ANO3: variants seen among roughly 807,000 people sequenced by gnomAD.
ANO3 encodes the protein anoctamin-3.
A neutral mutation model predicts 144.8 loss-of-function variants in ANO3; 99 were observed. That is an observed-to-expected ratio of 0.68 (90% CI 0.58 to 0.81). The LOEUF (loss-of-function observed/expected upper bound fraction) is 0.81, where lower values mean the gene tolerates loss of function less well. Ranked by LOEUF, ANO3 falls within the 30% of genes least tolerant of loss-of-function variation. The pLI, the probability that ANO3 is intolerant of heterozygous loss-of-function variation, is 0.00. For synonymous variants in ANO3, 414 were observed against 392.6 expected, an observed-to-expected ratio of 1.05 and a Z score of -0.64; for missense variants, 905 against 1,202.2, an observed-to-expected ratio of 0.75 and a Z score of 3.66.
At chr11:26,377,063 T>C (rs1856433416) in intron 1 of ANO3, among the ~76,000 whole-genome samples, 1 of 152,162 alleles carries the variant, frequency 6.6e-6, no homozygotes, top group Admixed American at 6.5e-5. Context: ...AATGCATTTA[T>C]AGTAGCCATT....
At chr11:26,300,180 T>G (rs1854191848) in intron 1 of ANO3, among the ~76,000 whole-genome samples, 1 of 151,844 alleles carries the variant, frequency 6.6e-6, no homozygotes, top group Admixed American at 6.6e-5. Context: ...ATGGAGGAAG[T>G]GCGATGCCCA....
chr11:26,559,473 G>C (rs1354712354), intron 13 of ANO3: 1 of 372,662 alleles, frequency 2.7e-6, no homozygotes, highest in African/African-American at 2.1e-5. Flanking sequence ...AGAAATGATG[G>C]TGGGGTATAA....
chr11:26,369,739 T>G (rs1856196018), intron 1 of ANO3, among the ~76,000 whole-genome samples: 1 of 152,218 alleles, frequency 6.6e-6, no homozygotes, highest in Non-Finnish European at 1.5e-5. Flanking sequence ...AAGTATCTCC[T>G]TACAGTTTTT....
intron 13 of ANO3, among the ~76,000 whole-genome samples, chr11:26,557,582 G>C (rs1270029051): frequency 6.6e-6 from 1 of 151,974 alleles, no homozygotes; most frequent in African/African-American, 2.4e-5. Flanking sequence ...TGTAGGACAA[G>C]ATTCTTTTTG....
chr11:26,632,446 G>T (rs1025840457), intron 18 of ANO3, among the ~76,000 whole-genome samples: 3 of 150,662 alleles, frequency 2.0e-5, no homozygotes, highest in Admixed American at 6.6e-5. Flanking sequence ...AACCTGGGAG[G>T]CAGAGGTTGC....
intron 1 of ANO3, among the ~76,000 whole-genome samples, chr11:26,433,140 A>AT (rs1186866485): frequency 1.6e-4 from 25 of 151,754 alleles, no homozygotes; most frequent in Non-Finnish European, 3.1e-4. Context: ...ATTCCTAGGT[A>AT]TTTTTTGTGT....
At chr11:26,273,141 A>G (rs557404562) in intron 1 of ANO3, among the ~76,000 whole-genome samples, 2 of 152,094 alleles carry the variant, frequency 1.3e-5, no homozygotes, top group Non-Finnish European at 2.9e-5. Context: ...CCTGGACAAT[A>G]AGAACCCTTT....
At chr11:26,561,546 T>G (rs1590533574) in intron 14 of ANO3, among the ~76,000 whole-genome samples, 1 of 151,972 alleles carries the variant, frequency 6.6e-6, no homozygotes, top group African/African-American at 2.4e-5. Context: ...TTGAATCTTG[T>G]GATTTCAAAG....
intron 4 of ANO3, among the ~76,000 whole-genome samples, chr11:26,463,903 T>G (rs1859505427): frequency 6.6e-6 from 1 of 151,860 alleles, no homozygotes; most frequent in Non-Finnish European, 1.5e-5. Flanking sequence ...GCTCACTTTT[T>G]TTTTTTCATT....
At chr11:26,647,886 T>C (rs1045816029) in intron 24 of ANO3, 30 bp downstream of exon 24, 2 of 1,587,932 alleles carry the variant, frequency 1.3e-6, no homozygotes, top group East Asian at 4.5e-5. Context: ...ATTTTCCTGA[T>C]ATGTTTTACA....
chr11:26,326,838 T>A (rs556683467), intron 1 of ANO3, among the ~76,000 whole-genome samples: 4 of 152,312 alleles, frequency 2.6e-5, no homozygotes, highest in African/African-American at 9.6e-5. Flanking sequence ...AGTATCAGCT[T>A]TGATCAAAAG....
chr11:26,581,620 C>T (rs947456931), intron 14 of ANO3, among the ~76,000 whole-genome samples: 6 of 140,136 alleles, frequency 4.3e-5, no homozygotes, highest in East Asian at 2.1e-4. Context: ...ACCTGGGAGG[C>T]GGAAGTTCCA....
At chr11:26,558,220 G>T (rs1850146976) in intron 13 of ANO3, among the ~76,000 whole-genome samples, 1 of 152,080 alleles carries the variant, frequency 6.6e-6, no homozygotes, top group Non-Finnish European at 1.5e-5. Context: ...TGCTACTAAG[G>T]ATGGCTTTTT....
chr11:26,502,691 G>A (rs1475185167), intron 4 of ANO3, among the ~76,000 whole-genome samples: 3 of 151,990 alleles, frequency 2.0e-5, no homozygotes, highest in African/African-American at 2.4e-5. Context: ...CTATTAATGC[G>A]CAAAATAGAG....
chr11:26,617,993 A>T (rs57160661), intron 17 of ANO3, among the ~76,000 whole-genome samples: 23,139 of 152,186 alleles, frequency 0.15, 2,048 homozygotes, highest in East Asian at 0.33. Flanking sequence ...TAGAAAATCA[A>T]ATGCTACCTT....
intron 1 of ANO3, among the ~76,000 whole-genome samples, chr11:26,315,264 C>A (rs1348644837): frequency 6.6e-6 from 1 of 152,130 alleles, no homozygotes; most frequent in Non-Finnish European, 1.5e-5. Flanking sequence ...GCTCAGAGTC[C>A]ATCCTCTTTT....
At chr11:26,365,832 T>A (rs1856054773) in intron 1 of ANO3, among the ~76,000 whole-genome samples, 1 of 152,034 alleles carries the variant, frequency 6.6e-6, no homozygotes, top group South Asian at 2.1e-4. Context: ...CTGAAATAAC[T>A]TTGAGGCCTT....
intron 18 of ANO3, among the ~76,000 whole-genome samples, chr11:26,629,998 A>T (rs1408720437): frequency 1.3e-5 from 2 of 152,216 alleles, no homozygotes; most frequent in African/African-American, 4.8e-5. Context: ...GTAGATTTTT[A>T]CTTGCGCTGT....
At chr11:26,567,256 TC>T (rs879766365) in intron 14 of ANO3, 79 of 623,364 alleles carry the variant, frequency 1.3e-4, no homozygotes, top group Middle Eastern at 5.5e-4. Context: ...GACTTTTTTT[TC>T]CTCAAGCAAT....
Sources: gnomAD v4.1 joint callset for allele counts (sites outside exome capture counted in the v4.1 genomes callset) on GRCh38, gnomAD v4.1.1 for gene constraint, MANE v1.5 for transcripts, NCBI Gene and HGNC (gene_info 2026-07-23, HGNC 2026-07-21) for gene names.